The following ASXL2 variants were observed in gnomAD, a reference collection of about 807,000 sequenced individuals.
The protein encoded by ASXL2 is ASXL transcriptional regulator 2, also known as putative Polycomb group protein ASXL2.
ASXL2 carries 23 observed loss-of-function variants against 122.0 expected under a neutral mutation model. The observed-to-expected ratio is 0.19, with a 90% CI of 0.14 to 0.27. The LOEUF (loss-of-function observed/expected upper bound fraction) is 0.27. Among genes scored for constraint, ASXL2 ranks in the 10% least tolerant of loss-of-function variants. The pLI, the probability that ASXL2 is intolerant of heterozygous loss-of-function variation, is 1.00. For missense variants in ASXL2, 1,518 were observed against 1,713.8 expected (o/e 0.89, Z 2.02); for synonymous variants, 650 against 637.0 (o/e 1.02, Z -0.31).
At position 25,742,772 on chromosome 2, in the gene ASXL2, C is replaced by T; in HGVS notation, c.3565G>A (p.Glu1189Lys). The T allele has an allele frequency of 1.2e-6, 2 of 1,614,004 alleles. No individual in the cohort carries two copies. Among genetic ancestry groups the T allele is most frequent in the Non-Finnish European group, 1.7e-6 (2 of 1,179,896 alleles). The change falls in exon 13 of 13, where the codon GAG becomes AAG. Residue 1189 changes from glutamate to lysine, a missense_variant. Transcript: ENST00000435504. ...DDTDEESTGD[E>K]QESVTVKEEP... ...TCTTTCACTGTGACAGATTCCTGCT[C>T]ATCACCAGTACTTTCCTCATCAGTG...
At chr2:25,838,851 TA>T (rs1177024833) in intron 2 of ASXL2, among the ~76,000 whole-genome samples, 1 of 152,204 alleles carries the variant, frequency 6.6e-6, no homozygotes, top group African/African-American at 2.4e-5. Flanking sequence ...CGTCAAAATG[TA>T]CACAAAAATG....
chr2:25,845,618 C>T, intron 1 of ASXL2, 55 bp from the exon 2 acceptor site: 1 of 789,846 alleles, frequency 1.3e-6, no homozygotes, highest in East Asian at 3.7e-5. Context: ...TATTATAATT[C>T]TATATATATT....
intron 3 of ASXL2, among the ~76,000 whole-genome samples, chr2:25,807,949 G>A (rs997006008): frequency 1.4e-5 from 2 of 146,900 alleles, no homozygotes; most frequent in Non-Finnish European, 3.0e-5. Context: ...TGCCCAGCCC[G>A]GGGGTAAATC....
At position 25,757,674 on chromosome 2, in the gene ASXL2, CAAAAAAAAAAAAA is replaced by C. The variant is rs60732948; in HGVS notation, c.940-1573_940-1561del. Among the ~76,000 whole-genome samples the C allele has an allele frequency of 1.5e-3, 55 of 35,834 alleles. 2 individuals are homozygous for C. Among genetic ancestry groups the C allele is most frequent in the South Asian group, 8.2e-3 (4 of 488 alleles). The allele number at this position is 35,834 out of a possible 152,430, so 23.5% of individuals were successfully genotyped here. A position where few individuals can be genotyped will look rare whatever the true frequency, so the allele number is the denominator to read the frequency against. On this transcript the variant is annotated intron_variant, in intron 9 of 12. Coordinates refer to ENST00000435504, the MANE Select transcript of ASXL2 (RefSeq NM_018263.6). ...CAGGCGACAGAGGGAGACTCCATCT[CAAAAAAAAAAAAA>C]AAAAAAAAAAAAAAGAATACCCCCC...
intron 1 of ASXL2, among the ~76,000 whole-genome samples, chr2:25,848,658 G>A (rs1042877775): frequency 1.3e-4 from 20 of 151,916 alleles, no homozygotes; most frequent in Non-Finnish European, 2.8e-4. Flanking sequence ...ATAAATAGAA[G>A]TGGAGACCAA....
rs766049052 is a variant in ASXL2 at position 25,744,436 on chromosome 2, G to A, written c.1901C>T (p.Ser634Leu). Residue 634 changes from serine (S) to leucine (L), a missense_variant, in exon 13 of 13, where the codon TCG (serine) becomes TTG (leucine). Around this residue, in one of 8 missense-constraint regions of ASXL2, gnomAD observed 292 missense variants for 293.5 expected, o/e 1.00. Transcript: ENST00000435504. The surrounding 1 kb of genome is among the most constrained non-coding windows in gnomAD (Gnocchi z 4.7). Reference protein sequence around the residue: ...SRISPMPFHPSQVSPRARFPV... With the variant: ...SRISPMPFHPLQVSPRARFPV... ...AAAACGAGCCCTGGGAGAGACCTGCGATGGATGAAACGGCATGGGGGAGAT... is the reference window on the plus strand; with the variant it reads ...AAAACGAGCCCTGGGAGAGACCTGCAATGGATGAAACGGCATGGGGGAGAT... The A allele has an allele frequency of 7.4e-6, 12 of 1,611,904 alleles. No homozygotes were observed. The Admixed American group carries it at 1.2e-4, about 16-fold the overall frequency.
intron 8 of ASXL2, among the ~76,000 whole-genome samples, chr2:25,764,014 G>T (rs1195403892): frequency 6.6e-6 from 1 of 152,112 alleles, no homozygotes; most frequent in Non-Finnish European, 1.5e-5. Flanking sequence ...TAACTCCTGG[G>T]ACAAAGAATA....
In ASXL2 at chr2:25,744,935, C is replaced by CCACACACACA. The variant is rs10579555; in HGVS notation, c.1861-469_1861-460dup. On this transcript the variant is annotated intron_variant, in intron 12 of 12. Coordinates refer to ENST00000435504, the MANE Select transcript of ASXL2 (RefSeq NM_018263.6). The surrounding 1 kb of genome is among the most constrained non-coding windows in gnomAD (Gnocchi z 4.7). ...GGGAAAATACTTGCTCTTCTCTGTTCCACACACACACACACACACACACAC... is the reference window on the plus strand; with the variant it reads ...GGGAAAATACTTGCTCTTCTCTGTTCCACACACACACACACACACACACACACACACACAC... 1.3e-3 allele frequency among the ~76,000 whole-genome samples: 173 copies of CCACACACACA among 138,336 alleles called. No homozygotes were observed. In the East Asian group the frequency reaches 0.015, roughly 12 times the overall value. The allele number at this position is 138,336 out of a possible 152,430, so 90.8% of individuals were successfully genotyped here.
chr2:25,741,085 C>T lies in ASXL2; in HGVS notation c.*944G>A, dbSNP rs1453439353. ...CAATTTAACAGTTTCTGTGGTTTCA[C>T]TCCCCTTGCTCAACAAGATGTAGCT... On this transcript the variant is annotated 3_prime_UTR_variant, in exon 13 of 13. Transcript: ENST00000435504. 5.1e-6 allele frequency: 1 copy of T among 197,526 alleles called. No homozygotes were observed. The highest frequency in any genetic ancestry group is 1.0e-5 in the Non-Finnish European group (1 of 95,520). The allele number at this position is 197,526 out of a possible 1,614,324, so 12.2% of individuals were successfully genotyped here. A position where few individuals can be genotyped will look rare whatever the true frequency, so the allele number is the denominator to read the frequency against.
At chr2:25,848,554 C>T (rs1378373957) in intron 1 of ASXL2, among the ~76,000 whole-genome samples, 4 of 151,756 alleles carry the variant, frequency 2.6e-5, no homozygotes, top group African/African-American at 9.7e-5. Flanking sequence ...ACCCTGGAGA[C>T]GGAGCTTGCA....
At chr2:25,872,818 T>C (rs945095691) in intron 1 of ASXL2, among the ~76,000 whole-genome samples, 38 of 152,096 alleles carry the variant, frequency 2.5e-4, no homozygotes, top group Admixed American at 6.6e-4. Context: ...ACAGAATAAA[T>C]AGACAAAACT....
chr2:25,863,463 C>A (rs894085335), intron 1 of ASXL2, among the ~76,000 whole-genome samples: 2 of 151,752 alleles, frequency 1.3e-5, no homozygotes, highest in Admixed American at 6.6e-5. Context: ...GAGGCCGAGG[C>A]GGGTAGATCA....
rs1179320026 is a variant in ASXL2, at chr2:25,744,979, A to ACT, written c.1861-505_1861-504dup. 7.3e-6 allele frequency among the ~76,000 whole-genome samples: 1 copy of ACT among 137,412 alleles called. No individual in the cohort carries two copies. The highest frequency in any genetic ancestry group is 1.6e-5 in the Non-Finnish European group (1 of 62,606). 90.1% of individuals were successfully genotyped at this position (137,412 alleles called of 152,430 possible). On this transcript the variant is annotated intron_variant, in intron 12 of 12. Transcript: ENST00000435504. This position sits in a 1 kb window ranked among gnomAD's most constrained non-coding sequence, Gnocchi z 4.7. Reference sequence around the variant, plus strand: ...CACACACACACACACACACACACACACTTGGGCTGGATTATCTCAAATTAC... The same window carrying ACT: ...CACACACACACACACACACACACACACTCTTGGGCTGGATTATCTCAAATTAC...
chr2:25,873,315 G>A (rs1247016418), intron 1 of ASXL2, among the ~76,000 whole-genome samples: 1 of 152,100 alleles, frequency 6.6e-6, no homozygotes, highest in East Asian at 1.9e-4. Flanking sequence ...GAAGGCTGAG[G>A]CGGAAGAATC....
intron 8 of ASXL2, 68 bp from the exon 9 acceptor site, chr2:25,759,713 T>C: frequency 6.7e-7 from 1 of 1,486,244 alleles, no homozygotes; most frequent in African/African-American, 1.4e-5. Context: ...ACTGTAGCTT[T>C]CTGTGCAGTA....
At chr2:25,829,348 T>C (rs1291786467) in intron 3 of ASXL2, among the ~76,000 whole-genome samples, 1 of 151,424 alleles carries the variant, frequency 6.6e-6, no homozygotes, top group East Asian at 1.9e-4. Flanking sequence ...GGAGTATTAG[T>C]GAGGAAAACA....
At chr2:25,749,187 AT>A in intron 12 of ASXL2, among the ~76,000 whole-genome samples, 1 of 152,334 alleles carries the variant, frequency 6.6e-6, no homozygotes, top group East Asian at 1.9e-4. Context: ...GTCTGGAAGC[AT>A]GCATTACAGA....
Position 25,741,910 on chromosome 2 carries a change from G to A in ASXL2, c.*119C>T. On this transcript the variant is annotated 3_prime_UTR_variant, in exon 13 of 13. Transcript: ENST00000435504. ...TTGTATTCCTGATTAAGTAACATTT[G>A]TCTCTGAAGACAACTGAAACCTACT... is the stretch of plus-strand genomic sequence containing the variant. The A allele has an allele frequency of 2.1e-6, 2 of 959,568 alleles. No individual in the cohort carries two copies. The highest frequency in any genetic ancestry group is 1.6e-5 in the African/African-American group (1 of 61,094). 59.4% of individuals were successfully genotyped at this position (959,568 alleles called of 1,614,324 possible).
At position 25,767,627 on chromosome 2, in the gene ASXL2, C is replaced by T. The variant is rs1407501854; in HGVS notation, c.731G>A (p.Gly244Asp). The change falls in exon 8 of 13, where the codon GGC becomes GAC. Residue 244 changes from glycine to aspartate, a missense_variant. Gly to Asp is a moderately conservative substitution (Grantham distance 94). Around this residue, in one of 8 missense-constraint regions of ASXL2, gnomAD observed 198 missense variants for 209.0 expected, o/e 0.95. Transcript: ENST00000435504. ...SSVKVENTLL[G>D]LGKKSFQRSE... ...TCTCTGGAATGACTTCTTCCCCAAG[C>T]CTAGTAAAGTATTTTCCACTTTAAC... 4.3e-6 allele frequency: 7 copies of T among 1,613,914 alleles called. No individual in the cohort carries two copies. The South Asian group carries it at 6.6e-5, about 15-fold the overall frequency.
Sources: allele counts gnomAD v4.1 joint callset (sites outside exome capture counted in the v4.1 genomes callset), GRCh38; gene constraint gnomAD v4.1.1; regional missense constraint gnomAD v4.1.1; non-coding constraint Gnocchi (gnomAD v3.1); transcripts MANE v1.5; gene names NCBI Gene and HGNC (gene_info 2026-07-23, HGNC 2026-07-21).